The following ANXA7 variants were observed in gnomAD, a reference collection of about 807,000 sequenced individuals.
ANXA7 encodes the protein annexin A7, also known as annexin VII.
A neutral mutation model predicts 64.9 loss-of-function variants in ANXA7; 55 were observed. That is an observed-to-expected ratio of 0.85 (90% CI 0.68 to 1.06). The LOEUF is 1.06. Ranked by LOEUF, ANXA7 falls within the 50% of genes least tolerant of loss-of-function variation. ANXA7 has a pLI of 0.00. For missense variants in ANXA7, 548 were observed against 582.1 expected (o/e 0.94, Z 0.60); for synonymous variants, 200 against 192.4 (o/e 1.04, Z -0.33).
chr10:73,388,141 C>T (rs1485208010), intron 6 of ANXA7, among the ~76,000 whole-genome samples, 171 bp downstream of exon 6: 1 of 152,104 alleles, frequency 6.6e-6, no homozygotes, highest in African/African-American at 2.4e-5. Flanking sequence ...GCCACCACAC[C>T]CAGCCTGAGG....
In ANXA7 at chr10:73,379,916, C is replaced by T; in HGVS notation, c.1128G>A (p.Glu376=). 1.9e-6 allele frequency: 3 copies of T among 1,614,224 alleles called. No homozygotes were observed. Among genetic ancestry groups the T allele is most frequent in the Non-Finnish European group, 2.5e-6 (3 of 1,180,046 alleles). ...AACCACTTTCTACATATCCGGAAAA[C>T]TCACGGCTCACACTGCTTAACAAGT... is the stretch of plus-strand genomic sequence containing the variant. ...NRDLLSSVSR[E]FSGYVESGLK... The change falls in exon 11 of 13, where the codon GAG becomes GAA. Residue 376 remains glutamate, a synonymous_variant. Coordinates refer to ENST00000372921, the MANE Select transcript of ANXA7 (RefSeq NM_001156.5).
intron 1 of ANXA7, among the ~76,000 whole-genome samples, chr10:73,405,960 CTT>C (rs199538795): frequency 6.9e-6 from 1 of 144,428 alleles, no homozygotes; most frequent in Admixed American, 6.9e-5. Flanking sequence ...TTTTTCTCTT[CTT>C]TTTTTTTTTT....
intron 5 of ANXA7, among the ~76,000 whole-genome samples, chr10:73,392,614 C>CAAT: frequency 6.6e-6 from 1 of 152,290 alleles, no homozygotes; most frequent in African/African-American, 2.4e-5. Context: ...ATGACTATCT[C>CAAT]AATAGATGCA....
At chr10:73,412,919 C>A (rs1012862524) in intron 1 of ANXA7, among the ~76,000 whole-genome samples, 1 of 151,826 alleles carries the variant, frequency 6.6e-6, no homozygotes, top group African/African-American at 2.4e-5. Context: ...TGGGTCTCAC[C>A]GTTTCTCATT....
intron 1 of ANXA7, among the ~76,000 whole-genome samples, chr10:73,408,872 T>C (rs901347161): frequency 7.0e-4 from 106 of 152,304 alleles, no homozygotes; most frequent in African/African-American, 2.5e-3. Context: ...TGATTTAACA[T>C]ATGCAAGTCA....
intron 5 of ANXA7, chr10:73,396,227 A>G (rs1282451850): frequency 1.3e-5 from 9 of 684,486 alleles, no homozygotes; most frequent in East Asian, 1.1e-4. Flanking sequence ...AACTGCTGGT[A>G]AGGGCAAGGA....
At chr10:73,413,745 G>A (rs2055880186) in intron 1 of ANXA7, among the ~76,000 whole-genome samples, 2 of 152,340 alleles carry the variant, frequency 1.3e-5, no homozygotes, top group South Asian at 2.1e-4. Context: ...CCTGCCCGAG[G>A]GCGGGGCGCC....
chr10:73,398,597 A>G lies in ANXA7; in HGVS notation c.55-212T>C, dbSNP rs555241261. On this transcript the variant is annotated intron_variant, in intron 2 of 12. Transcript: ENST00000372921. ...TCAGAATTCAGTTAAATTTAATTCTACTTGAGTCAGGCAAGAGGGGTCTGC... is the reference window on the plus strand; with the variant it reads ...TCAGAATTCAGTTAAATTTAATTCTGCTTGAGTCAGGCAAGAGGGGTCTGC... 3.9e-5 allele frequency among the ~76,000 whole-genome samples: 6 copies of G among 152,208 alleles called. No individual in the cohort carries two copies. The South Asian group carries it at 8.3e-4, about 21-fold the overall frequency.
intron 12 of ANXA7, 82 bp from the exon 13 acceptor site, chr10:73,376,299 TTAA>T: frequency 1.5e-6 from 2 of 1,323,638 alleles, no homozygotes; most frequent in Non-Finnish European, 2.0e-6. Flanking sequence ...TAATAAGATC[TTAA>T]TAATAATCAA....
intron 1 of ANXA7, among the ~76,000 whole-genome samples, chr10:73,401,271 C>CACACA (rs2055661351): frequency 2.0e-5 from 3 of 150,616 alleles, no homozygotes; most frequent in African/African-American, 7.4e-5. Flanking sequence ...ACAACACACA[C>CACACA]ACACACACAC....
At chr10:73,385,119 T>G (rs1489877270) in intron 7 of ANXA7, among the ~76,000 whole-genome samples, 1 of 152,192 alleles carries the variant, frequency 6.6e-6, no homozygotes, top group Non-Finnish European at 1.5e-5. Flanking sequence ...AATGGAACAA[T>G]AAGACAACCG....
intron 7 of ANXA7, among the ~76,000 whole-genome samples, chr10:73,383,958 A>G (rs2055317678): frequency 6.6e-6 from 1 of 152,012 alleles, no homozygotes. Flanking sequence ...TGTCTCTACT[A>G]AAAACACAAA....
intron 1 of ANXA7, among the ~76,000 whole-genome samples, chr10:73,401,349 T>G (rs2132690543): frequency 6.6e-6 from 1 of 152,226 alleles, no homozygotes; most frequent in South Asian, 2.1e-4. Context: ...ATGTGGATAT[T>G]AGGGGTATAA....
chr10:73,397,230 A>G lies in ANXA7; in HGVS notation c.304T>C (p.Phe102Leu). Residue 102 changes from phenylalanine (F) to leucine (L), a missense_variant, in exon 4 of 13, where the codon TTT becomes CTT. Phe to Leu is a conservative substitution (Grantham distance 22). Transcript: ENST00000372921. Reference protein sequence around the residue: ...GFGVPPGGAGFSGYPQPPSQS... With the variant: ...GFGVPPGGAGLSGYPQPPSQS... ...GAAGGTGGCTGTGGATACCCAGAAA[A>G]GCCTGCTCCACCTGGTGGGACTCCA... The G allele has an allele frequency of 6.2e-7, 1 of 1,612,812 alleles. No homozygotes were observed. Among genetic ancestry groups the G allele is most frequent in the South Asian group, 1.1e-5 (1 of 90,792 alleles).
intron 5 of ANXA7, among the ~76,000 whole-genome samples, chr10:73,394,411 C>T (rs1026299065): frequency 2.2e-4 from 34 of 152,208 alleles, no homozygotes; most frequent in African/African-American, 5.5e-4. Context: ...CACATGCACA[C>T]GTATGTTTAT....
intron 9 of ANXA7, among the ~76,000 whole-genome samples, chr10:73,380,970 A>G (rs1006178155): frequency 1.3e-5 from 2 of 152,180 alleles, no homozygotes; most frequent in African/African-American, 4.8e-5. Flanking sequence ...CAAGAAATTT[A>G]ACTCTAGGGC....
chr10:73,380,230 GAAAT>G (rs2132652483), intron 9 of ANXA7, 29 bp from the exon 10 acceptor site: 2 of 1,585,084 alleles, frequency 1.3e-6, no homozygotes, highest in East Asian at 2.2e-5. Flanking sequence ...GGAATTGGAA[GAAAT>G]AAATAATAGT....
intron 9 of ANXA7, among the ~76,000 whole-genome samples, chr10:73,381,089 G>A (rs893507441): frequency 1.3e-5 from 2 of 151,964 alleles, no homozygotes; most frequent in Admixed American, 1.3e-4. Context: ...CCAGGCTGGG[G>A]TGCAATGGCT....
intron 12 of ANXA7, 112 bp downstream of exon 12, chr10:73,378,799 A>G: frequency 1.3e-6 from 1 of 759,408 alleles, no homozygotes; most frequent in South Asian, 1.5e-5. Flanking sequence ...TAGGTGGCAA[A>G]GAGAGCTCTT....
Sources: allele counts gnomAD v4.1 joint callset (sites outside exome capture counted in the v4.1 genomes callset), GRCh38; gene constraint gnomAD v4.1.1; transcripts MANE v1.5; gene names NCBI Gene and HGNC (gene_info 2026-07-23, HGNC 2026-07-21).